Variants in UBR4 observed in about 807,000 individuals in gnomAD.
UBR4 encodes the protein E3 ubiquitin-protein ligase UBR4.
Under a neutral mutation model 575.6 loss-of-function variants are expected in UBR4, and 124 were observed. The ratio of observed to expected loss-of-function variants is 0.22; its 90% CI spans 0.19 to 0.25. UBR4 has a LOEUF of 0.25. Ranked by LOEUF, UBR4 falls within the 10% of genes least tolerant of loss-of-function variation. UBR4 has a pLI of 1.00. For missense variants in UBR4, 4,818 were observed against 6,478.8 expected (o/e 0.74, Z 8.80); for synonymous variants, 2,455 against 2,473.7 (o/e 0.99, Z 0.22).
chr1:19,153,976 G>A lies in UBR4; in HGVS notation c.6459-37C>T. The A allele has an allele frequency of 6.2e-7, 1 of 1,603,526 alleles. No individual in the cohort carries two copies. Among genetic ancestry groups the A allele is most frequent in the Non-Finnish European group, 8.5e-7 (1 of 1,174,394 alleles). ...AAAACTGGCCACAGTTAGAGTGTCA[G>A]TCACCATTTAATAGTTCTTTTCTTG... On this transcript the variant is annotated intron_variant, in intron 44 of 105. Transcript: ENST00000375254. This position sits in a 1 kb window ranked among gnomAD's most constrained non-coding sequence, Gnocchi z 4.1.
In UBR4 at chr1:19,089,513, A is replaced by C. The variant is rs140574868; in HGVS notation, c.14212-536T>G. Among the ~76,000 whole-genome samples the C allele has an allele frequency of 1.3e-5, 2 of 152,352 alleles. No homozygotes were observed. The highest frequency in any genetic ancestry group is 4.8e-5 in the African/African-American group (2 of 41,574). On this transcript the variant is annotated intron_variant, in intron 97 of 105. Coordinates refer to ENST00000375254, the MANE Select transcript of UBR4 (RefSeq NM_020765.3). The surrounding 1 kb of genome is among the most constrained non-coding windows in gnomAD (Gnocchi z 4.3). The stretch of plus-strand genomic sequence containing the variant: ...ACTACAAGCAGGTATGGACATGAAA[A>C]ACTTTAACAACAAAAAAGATATTAA...
chr1:19,187,417 T>C, intron 12 of UBR4, 24 bp downstream of exon 12: 1 of 1,613,772 alleles, frequency 6.2e-7, no homozygotes. Flanking sequence ...AATATGCTGA[T>C]TACCATGGGG....
chr1:19,110,345 C>A lies in UBR4; in HGVS notation c.11977+35G>T. 1 of 1,613,686 alleles carries A rather than the reference C, an allele frequency of 6.2e-7. No individual in the cohort carries two copies. The highest frequency in any genetic ancestry group is 8.5e-7 in the Non-Finnish European group (1 of 1,179,726). On this transcript the variant is annotated intron_variant, in intron 80 of 105. Transcript: ENST00000375254. The surrounding 1 kb of genome is among the most constrained non-coding windows in gnomAD (Gnocchi z 4.5). ...GTCCGGCCAGGACTGCTCCTTTGAG[C>A]CTCCTTTCCTTTCTCTGAAAATCCC...
At chr1:19,148,358 G>C (rs989932721) in intron 50 of UBR4, among the ~76,000 whole-genome samples, 1 of 152,118 alleles carries the variant, frequency 6.6e-6, no homozygotes, top group Non-Finnish European at 1.5e-5. Flanking sequence ...GTACCAACAC[G>C]CATCCTATTC....
chr1:19,161,158 AAAATGT>A lies in UBR4; in HGVS notation c.5176-17_5176-12del. ...TCTCTTCACCAGAGCCTAGGGACAG[AAAATGT>A]CAGAGTCCCTAAGTTCTTGCCTCAA... On this transcript the variant is annotated splice_polypyrimidine_tract_variant and intron_variant, in intron 37 of 105. Transcript: ENST00000375254. 1 of 1,612,478 alleles carries A rather than the reference AAAATGT, an allele frequency of 6.2e-7. No individual in the cohort carries two copies. The highest frequency in any genetic ancestry group is 8.5e-7 in the Non-Finnish European group (1 of 1,178,982).
chr1:19,198,112 G>A lies in UBR4; in HGVS notation c.649-63C>T, dbSNP rs1019774114. ...CTCTTCACCAAACCAACTGTCAAAAGTGAGCAGTAGCTGCACGGATACTCT... is the reference window on the plus strand; with the variant it reads ...CTCTTCACCAAACCAACTGTCAAAAATGAGCAGTAGCTGCACGGATACTCT... On this transcript the variant is annotated intron_variant, in intron 5 of 105. Coordinates refer to ENST00000375254, the MANE Select transcript of UBR4 (RefSeq NM_020765.3). 10 of 1,502,900 alleles carry A rather than the reference G, an allele frequency of 6.7e-6. No homozygotes were observed. The African/African-American group carries it at 1.2e-4, about 19-fold the overall frequency. The allele number at this position is 1,502,900 out of a possible 1,614,324, so 93.1% of individuals were successfully genotyped here.
intron 102 of UBR4, chr1:19,081,836 T>G: frequency 1.5e-6 from 1 of 665,352 alleles, no homozygotes; most frequent in Non-Finnish European, 2.8e-6. Context: ...TCTAATACAA[T>G]TCCAAGCAAC....
chr1:19,119,802 G>C, intron 69 of UBR4, 101 bp from the exon 70 acceptor site: 1 of 1,447,102 alleles, frequency 6.9e-7, no homozygotes, highest in Non-Finnish European at 9.3e-7. Context: ...CACAATTATG[G>C]GTTAAGTTTG....
intron 8 of UBR4, 100 bp downstream of exon 8, chr1:19,197,037 GAAGC>G: frequency 7.2e-7 from 1 of 1,386,730 alleles, no homozygotes; most frequent in Non-Finnish European, 9.8e-7. Context: ...TTGAGAGAAG[GAAGC>G]AAGGGGGATG....
intron 30 of UBR4, 52 bp from the exon 31 acceptor site, chr1:19,165,401 T>C (rs1490766258): frequency 1.4e-6 from 2 of 1,460,940 alleles, no homozygotes; most frequent in Admixed American, 1.8e-5. Context: ...AAGCCCCACA[T>C]AAAAAGCATC....
chr1:19,110,329 G>A lies in UBR4; in HGVS notation c.11977+51C>T. On this transcript the variant is annotated intron_variant, in intron 80 of 105. Transcript: ENST00000375254. The surrounding 1 kb of genome is among the most constrained non-coding windows in gnomAD (Gnocchi z 4.5). ...CCCTCCTCCCCTCCCAGTCCGGCCA[G>A]GACTGCTCCTTTGAGCCTCCTTTCC... 8 of 1,613,716 alleles carry A rather than the reference G, an allele frequency of 5.0e-6. No individual in the cohort carries two copies. Among genetic ancestry groups the A allele is most frequent in the Non-Finnish European group, 6.8e-6 (8 of 1,179,710 alleles).
At chr1:19,193,245 A>T (rs547170480) in intron 9 of UBR4, among the ~76,000 whole-genome samples, 188 bp downstream of exon 9, 1 of 152,234 alleles carries the variant, frequency 6.6e-6, no homozygotes, top group Non-Finnish European at 1.5e-5. Flanking sequence ...ATAGGGAAAC[A>T]ATATACCAGA....
intron 53 of UBR4, among the ~76,000 whole-genome samples, chr1:19,145,139 G>C (rs1266188385): frequency 6.6e-6 from 1 of 152,148 alleles, no homozygotes; most frequent in Non-Finnish European, 1.5e-5. Flanking sequence ...CAGATATCTT[G>C]AGTCACAGAA....
intron 26 of UBR4, 116 bp downstream of exon 26, chr1:19,170,646 C>G (rs959664221): frequency 3.6e-6 from 5 of 1,405,690 alleles, no homozygotes; most frequent in Non-Finnish European, 4.9e-6. Context: ...ATGCTTGATA[C>G]ACAAAAAGGC....
In UBR4 at chr1:19,078,049, A is replaced by C; in HGVS notation, c.15251T>G (p.Val5084Gly). Reference sequence around the variant, plus strand: ...AGAACGGTAAGCGGAATAGTCCTTCACTGCCTTATCTGTCAGCCTGGAAAA... The same window carrying C: ...AGAACGGTAAGCGGAATAGTCCTTCCCTGCCTTATCTGTCAGCCTGGAAAA... ...GGATRLTDKA[V>G]KDYSAYRSSL... Residue 5084 changes from valine (V) to glycine (G), a missense_variant, in exon 104 of 106, where the codon GTG (valine) becomes GGG (glycine). Coordinates refer to ENST00000375254, the MANE Select transcript of UBR4 (RefSeq NM_020765.3). 6.2e-7 allele frequency: 1 copy of C among 1,614,136 alleles called. No homozygotes were observed. Among genetic ancestry groups the C allele is most frequent in the South Asian group, 1.1e-5 (1 of 91,078 alleles).
At chr1:19,194,473 C>CT (rs1483887224) in intron 8 of UBR4, among the ~76,000 whole-genome samples, 1 of 152,110 alleles carries the variant, frequency 6.6e-6, no homozygotes, top group African/African-American at 2.4e-5. Flanking sequence ...GGCTGAAACA[C>CT]TAAGATTCTG....
rs764164842 is a variant in UBR4, at chr1:19,193,504, C to T, written c.1072G>A (p.Val358Met). 1 of 1,614,174 alleles carries T rather than the reference C, an allele frequency of 6.2e-7. No homozygotes were observed. Residue 358 changes from valine to methionine, a missense_variant, in exon 9 of 106, where the codon GTG (valine) becomes ATG (methionine). This residue lies in a region of UBR4 where 131 missense variants were observed against 214.5 expected (regional missense o/e 0.61). Coordinates refer to ENST00000375254, the MANE Select transcript of UBR4 (RefSeq NM_020765.3). ...TTGGAGCTCGTGGACCCTGTCCGCA[C>T]TTGCTGGGCACTACCCACATGGAGG... is the stretch of plus-strand genomic sequence containing the variant. ...AILHVGSAQQ[V>M]RTGSTSSKED...
At position 19,121,420 on chromosome 1, in the gene UBR4, G is replaced by A; in HGVS notation, c.9910C>T (p.Leu3304Phe). The A allele has an allele frequency of 6.2e-7, 1 of 1,613,950 alleles. No homozygotes were observed. The highest frequency in any genetic ancestry group is 1.1e-5 in the South Asian group (1 of 91,074). ...CIKDDSVLYFLLQVSFLVDEG... is the reference protein window; with the variant it reads ...CIKDDSVLYFFLQVSFLVDEG... ...TCCACAAGGAAACTGACTTGGAGGA[G>A]GAAGTACAGGACGGCTGCAAGCAGA... Residue 3304 changes from leucine to phenylalanine, a missense_variant, in exon 68 of 106, where the codon CTC becomes TTC. Physicochemically the swap from Leu to Phe is conservative, Grantham distance 22. This residue lies in a region of UBR4 where 550 missense variants were observed against 791.5 expected (regional missense o/e 0.69). Coordinates refer to ENST00000375254, the MANE Select transcript of UBR4 (RefSeq NM_020765.3).
chr1:19,094,942 T>C lies in UBR4; in HGVS notation c.13710A>G (p.Leu4570=), dbSNP rs1172165239. The C allele has an allele frequency of 1.2e-6, 2 of 1,614,110 alleles. No individual in the cohort carries two copies. Among genetic ancestry groups the C allele is most frequent in the East Asian group, 2.2e-5 (1 of 44,874 alleles). The change falls in exon 94 of 106, where the codon CTA becomes CTG. Residue 4570 remains leucine, a synonymous_variant. Transcript: ENST00000375254. ...EQVLSIMEII[L]DESNAEPLSE... ...TCAGGGGCTCAGCATTGGACTCATC[T>C]AGAATGATCTCCATGATGCTAAGCA...
Sources: gnomAD v4.1 joint callset for allele counts (sites outside exome capture counted in the v4.1 genomes callset) on GRCh38, gnomAD v4.1.1 for gene constraint, gnomAD v4.1.1 regional missense constraint, Gnocchi (gnomAD v3.1) non-coding constraint, MANE v1.5 for transcripts, NCBI Gene and HGNC (gene_info 2026-07-23, HGNC 2026-07-21) for gene names.